Variants in XRN2 observed in about 807,000 individuals in gnomAD.
The protein encoded by XRN2 is DHM1-like protein.
A neutral mutation model predicts 138.5 loss-of-function variants in XRN2; 44 were observed. The observed-to-expected ratio is 0.32, with a 90% CI of 0.25 to 0.41. The LOEUF is 0.41. Ranked by LOEUF, XRN2 falls within the 10% of genes least tolerant of loss-of-function variation. XRN2 has a pLI of 1.00. For synonymous variants in XRN2, 354 were observed against 369.4 expected (o/e 0.96, Z 0.48); for missense variants, 937 against 1,169.3 (o/e 0.80, Z 2.90).
At chr20:21,346,801 T>C (rs1307966689) in intron 17 of XRN2, among the ~76,000 whole-genome samples, 3 of 152,002 alleles carry the variant, frequency 2.0e-5, no homozygotes, top group South Asian at 4.2e-4. Flanking sequence ...GTATTTTTAG[T>C]AGAGACGGGG....
intron 16 of XRN2, 67 bp downstream of exon 16, chr20:21,344,275 A>C: frequency 8.1e-7 from 1 of 1,240,340 alleles, no homozygotes; most frequent in Middle Eastern, 1.9e-4. Flanking sequence ...AATTAATGCT[A>C]TTTAGCTTAG....
At position 21,307,640 on chromosome 20, in the gene XRN2, A is replaced by G. The variant is rs1444445429; in HGVS notation, c.75+4167A>G. Among the ~76,000 whole-genome samples, 11 of 75,986 alleles carry G rather than the reference A, an allele frequency of 1.4e-4. 4 individuals are homozygous for G. Among genetic ancestry groups the G allele is most frequent in the African/African-American group, 3.2e-4 (9 of 27,790 alleles). The allele number at this position is 75,986 out of a possible 152,430, so 49.8% of individuals were successfully genotyped here. A position where few individuals can be genotyped will look rare whatever the true frequency, so the allele number is the denominator to read the frequency against. ...CCTCAAAGTCCTGGGCTTAAAGTAT[A>G]TAATTTAATACAGTGCATACATCTG... On this transcript the variant is annotated intron_variant, in intron 1 of 29. Coordinates refer to ENST00000377191, the MANE Select transcript of XRN2 (RefSeq NM_012255.5).
At chr20:21,311,263 T>A (rs2037877826) in intron 1 of XRN2, among the ~76,000 whole-genome samples, 1 of 152,218 alleles carries the variant, frequency 6.6e-6, no homozygotes, top group African/African-American at 2.4e-5. Flanking sequence ...TAACTCCTTG[T>A]CCCCCTCCCC....
chr20:21,379,208 A>G (rs2038857052), intron 27 of XRN2, among the ~76,000 whole-genome samples: 1 of 152,096 alleles, frequency 6.6e-6, no homozygotes, highest in Non-Finnish European at 1.5e-5. Context: ...AAAATTTTCC[A>G]CTCTCGCCTG....
chr20:21,365,896 T>TTA (rs766677499), intron 26 of XRN2, among the ~76,000 whole-genome samples, 192 bp downstream of exon 26: 4 of 124,676 alleles, frequency 3.2e-5, no homozygotes, highest in African/African-American at 1.2e-4. Flanking sequence ...TAATATATAA[T>TTA]TATATATATA....
rs936168102 is a variant in XRN2 at position 21,350,791 on chromosome 20, G to A, written c.1936+1330G>A. On this transcript the variant is annotated intron_variant, in intron 20 of 29. Transcript: ENST00000377191. ...TACAATTTACAAATTGAAAAATCAG[G>A]AGGCTTTGGAGTTGACTTGATTTAT... Among the ~76,000 whole-genome samples the A allele has an allele frequency of 3.9e-5, 6 of 152,044 alleles. No individual in the cohort carries two copies. In the East Asian group the frequency reaches 5.8e-4, roughly 15 times the overall value.
At chr20:21,303,596 C>T (rs2037769673) in intron 1 of XRN2, 123 bp downstream of exon 1, 2 of 1,386,228 alleles carry the variant, frequency 1.4e-6, no homozygotes, top group Non-Finnish European at 9.3e-7. Context: ...CTGCTGCCAG[C>T]CTCGCGAGCA....
intron 24 of XRN2, among the ~76,000 whole-genome samples, chr20:21,360,645 T>C (rs1321175354): frequency 6.6e-6 from 1 of 152,208 alleles, no homozygotes; most frequent in Admixed American, 6.5e-5. Flanking sequence ...TAGAATGTTT[T>C]ATTCCTTCAA....
In XRN2 at chr20:21,340,909, C is replaced by G. The variant is rs1228567131; in HGVS notation, c.1410+57C>G. The G allele has an allele frequency of 4.4e-6, 7 of 1,590,858 alleles. No individual in the cohort carries two copies. The East Asian group carries it at 9.0e-5, about 20-fold the overall frequency. ...AGTGGTGAATATCACATACCTCTTG[C>G]AGGGGTGGTGTGTGTGTGAAATTTA... On this transcript the variant is annotated intron_variant, in intron 15 of 29. Transcript: ENST00000377191.
intron 20 of XRN2, among the ~76,000 whole-genome samples, chr20:21,350,722 A>G (rs1043439972): frequency 1.3e-5 from 2 of 152,124 alleles, no homozygotes; most frequent in African/African-American, 4.8e-5. Flanking sequence ...AATGGCCAAT[A>G]AAATGACTTA....
chr20:21,360,995 A>G (rs185265924), intron 24 of XRN2, among the ~76,000 whole-genome samples: 1 of 152,322 alleles, frequency 6.6e-6, no homozygotes, highest in Non-Finnish European at 1.5e-5. Context: ...TGTATCAGGG[A>G]AAGGTTGTGT....
Position 21,340,714 on chromosome 20 carries a change from A to G in XRN2, c.1279-7A>G. 2 of 1,613,172 alleles carry G rather than the reference A, an allele frequency of 1.2e-6. No homozygotes were observed. Among genetic ancestry groups the G allele is most frequent in the East Asian group, 4.5e-5 (2 of 44,832 alleles). On this transcript the variant is annotated splice_region_variant and splice_polypyrimidine_tract_variant and intron_variant, in intron 14 of 29. Transcript: ENST00000377191. Reference sequence around the variant, plus strand: ...TTTAATTTCTACATTCATTCCATTTATGTTAGAGAGATCAACCAGCTTTCA... The same window carrying G: ...TTTAATTTCTACATTCATTCCATTTGTGTTAGAGAGATCAACCAGCTTTCA...
chr20:21,317,515 G>A (rs1568568062), intron 1 of XRN2, among the ~76,000 whole-genome samples: 1 of 152,080 alleles, frequency 6.6e-6, no homozygotes. Flanking sequence ...TAGTCCAGTC[G>A]TCTTGCAGTA....
chr20:21,324,571 G>A lies in XRN2; in HGVS notation c.76-1708G>A, dbSNP rs186612452. Among the ~76,000 whole-genome samples, 3 of 150,316 alleles carry A rather than the reference G, an allele frequency of 2.0e-5. No homozygotes were observed. In the Admixed American group the frequency reaches 2.0e-4, roughly 10 times the overall value. ...TTCCAATCTCACTTGCATCTCACAA[G>A]TATATGGATGTTATATGAGCTTATT... On this transcript the variant is annotated intron_variant, in intron 1 of 29. Coordinates refer to ENST00000377191, the MANE Select transcript of XRN2 (RefSeq NM_012255.5).
At chr20:21,358,517 A>G (rs1035915030) in intron 24 of XRN2, among the ~76,000 whole-genome samples, 1 of 152,328 alleles carries the variant, frequency 6.6e-6, no homozygotes, top group East Asian at 1.9e-4. Flanking sequence ...CAGGTATTCA[A>G]GAATTTGATA....
chr20:21,304,395 C>T (rs2037786066), intron 1 of XRN2, among the ~76,000 whole-genome samples: 1 of 151,360 alleles, frequency 6.6e-6, no homozygotes, highest in African/African-American at 2.4e-5. Context: ...AAGGAGGAAC[C>T]AAAAGCCTTG....
chr20:21,345,017 T>C (rs1012991626), intron 16 of XRN2, among the ~76,000 whole-genome samples: 1 of 152,224 alleles, frequency 6.6e-6, no homozygotes, highest in Non-Finnish European at 1.5e-5. Flanking sequence ...GTGTTTATGA[T>C]TAGAAACTTT....
At chr20:21,331,925 C>T (rs917077668) in intron 8 of XRN2, 107 bp downstream of exon 8, 43 of 1,257,522 alleles carry the variant, frequency 3.4e-5, no homozygotes, top group Non-Finnish European at 4.6e-5. Flanking sequence ...TTCCAAAATG[C>T]CTTGGTTATT....
chr20:21,352,474 G>A (rs947276699), intron 20 of XRN2, among the ~76,000 whole-genome samples: 4 of 151,824 alleles, frequency 2.6e-5, no homozygotes, highest in South Asian at 2.1e-4. Context: ...GATTACCGCC[G>A]TGTGCCACCA....
Sources: allele counts gnomAD v4.1 joint callset (sites outside exome capture counted in the v4.1 genomes callset), GRCh38; gene constraint gnomAD v4.1.1; transcripts MANE v1.5; gene names NCBI Gene and HGNC (gene_info 2026-07-23, HGNC 2026-07-21).